Variants in ZFR2 observed in about 807,000 individuals in gnomAD.
ZFR2 encodes the protein zinc finger RNA-binding protein 2.
Under a neutral mutation model 105.7 loss-of-function variants are expected in ZFR2, and 104 were observed. That is an observed-to-expected ratio of 0.98 (90% CI 0.84 to 1.16). The LOEUF is 1.16. ZFR2 is among the 50% of genes most tolerant of loss of function. ZFR2 has a pLI of 0.00. For missense variants in ZFR2, 1,425 were observed against 1,355.5 expected (o/e 1.05, Z -0.80); for synonymous variants, 634 against 597.7 (o/e 1.06, Z -0.89).
intron 1 of ZFR2, among the ~76,000 whole-genome samples, chr19:3,867,229 C>T (rs1264513600): frequency 6.6e-6 from 1 of 151,286 alleles, no homozygotes; most frequent in African/African-American, 2.4e-5. Flanking sequence ...TCAGCAGGGA[C>T]TGTGAGAAAC....
rs1376821156 is a variant in ZFR2, at chr19:3,867,271, A to G, written c.53+1694T>C. ...ATAGCAAGCTACCAGCTGGAAACTA[A>G]CACAAGGGTGACACGCGGAAATGAT... is the stretch of plus-strand genomic sequence containing the variant. On this transcript the variant is annotated intron_variant, in intron 1 of 18. Transcript: ENST00000262961. Among the ~76,000 whole-genome samples the G allele has an allele frequency of 3.4e-5, 5 of 147,580 alleles. No individual in the cohort carries two copies. The Admixed American group carries it at 3.4e-4, about 10-fold the overall frequency.
At chr19:3,852,783 C>G (rs1166309030) in intron 1 of ZFR2, among the ~76,000 whole-genome samples, 1 of 151,078 alleles carries the variant, frequency 6.6e-6, no homozygotes, top group African/African-American at 2.4e-5. Flanking sequence ...ACACCAAAAC[C>G]AAGGCAGCCC....
At chr19:3,809,900 C>T (rs1229287729) in intron 16 of ZFR2, among the ~76,000 whole-genome samples, 2 of 152,250 alleles carry the variant, frequency 1.3e-5, no homozygotes, top group South Asian at 2.1e-4. Context: ...GCTAAGATTT[C>T]GCCACTGCAC....
chr19:3,833,530 C>T (rs541070363), intron 3 of ZFR2, 134 bp downstream of exon 3: 92 of 657,280 alleles, frequency 1.4e-4, no homozygotes, highest in Non-Finnish European at 2.0e-4. Flanking sequence ...GAGCCGAGAT[C>T]GCACCACTGC....
chr19:3,843,245 C>T (rs909779424), intron 1 of ZFR2, among the ~76,000 whole-genome samples: 7 of 151,842 alleles, frequency 4.6e-5, no homozygotes, highest in East Asian at 3.9e-4. Context: ...CCGAGGCGGG[C>T]GGATCACTTG....
At chr19:3,808,551 G>A (rs2037727866) in intron 17 of ZFR2, among the ~76,000 whole-genome samples, 1 of 152,254 alleles carries the variant, frequency 6.6e-6, no homozygotes, top group East Asian at 1.9e-4. Flanking sequence ...ATTTGTGCCA[G>A]AGTGGCTCTG....
chr19:3,831,087 A>G (rs1373111587), intron 5 of ZFR2, among the ~76,000 whole-genome samples: 4 of 151,896 alleles, frequency 2.6e-5, no homozygotes, highest in African/African-American at 7.3e-5. Flanking sequence ...ATGCACACAT[A>G]TACACATGCA....
At chr19:3,836,503 G>A (rs1193137609) in intron 1 of ZFR2, among the ~76,000 whole-genome samples, 1 of 152,106 alleles carries the variant, frequency 6.6e-6, no homozygotes, top group African/African-American at 2.4e-5. Flanking sequence ...AAAAATTTTG[G>A]TAGAGGTGGG....
intron 12 of ZFR2, among the ~76,000 whole-genome samples, chr19:3,817,560 A>G (rs1242689572): frequency 1.7e-5 from 2 of 115,750 alleles, no homozygotes; most frequent in Non-Finnish European, 3.5e-5. Context: ...CTCCATCTCA[A>G]AATAATGATA....
chr19:3,834,947 C>G lies in ZFR2; in HGVS notation c.90G>C (p.Gly30=), dbSNP rs749749715. 6.3e-5 allele frequency: 101 copies of G among 1,611,576 alleles called. No individual in the cohort carries two copies. Among genetic ancestry groups the G allele is most frequent in the Non-Finnish European group, 8.3e-5 (98 of 1,179,184 alleles). Residue 30 remains glycine, a synonymous_variant, in exon 2 of 19, where the codon GGG becomes GGC. Coordinates refer to ENST00000262961, the MANE Select transcript of ZFR2 (RefSeq NM_015174.2). The surrounding 1 kb of genome is among the most constrained non-coding windows in gnomAD (Gnocchi z 5.3). ...QPPTLPLPTV[G]ASYTAQPTPG... ...GAGTGGGTTGTGCAGTATAGCTGGC[C>G]CCCACAGTGGGCAGGGGAAGGGTCG...
chr19:3,863,641 C>T lies in ZFR2; in HGVS notation c.53+5324G>A, dbSNP rs76613225. Reference sequence around the variant, plus strand: ...ATGTAGCCCTAAACCACTATCTGACCGGGCCCTGAACTAGCAGGGCAGGGG... The same window carrying T: ...ATGTAGCCCTAAACCACTATCTGACTGGGCCCTGAACTAGCAGGGCAGGGG... On this transcript the variant is annotated intron_variant, in intron 1 of 18. Transcript: ENST00000262961. Among the ~76,000 whole-genome samples, 258 of 152,222 alleles carry T rather than the reference C, an allele frequency of 1.7e-3. 2 individuals carry two copies. The highest frequency in any genetic ancestry group is 5.9e-3 in the African/African-American group (244 of 41,530).
At chr19:3,806,394 C>T (rs1011758950) in intron 18 of ZFR2, among the ~76,000 whole-genome samples, 11 of 152,254 alleles carry the variant, frequency 7.2e-5, no homozygotes, top group Non-Finnish European at 1.6e-4. Flanking sequence ...TCCCAAGTAG[C>T]TGGGATTACA....
rs757203290 is a variant in ZFR2 at position 3,867,411 on chromosome 19, A to C, written c.53+1554T>G. Reference sequence around the variant, plus strand: ...TGAAGATAGCAGAGATGCTCCGAGGAGCAGGCCTGGGAGAACAGTGTAGAG... The same window carrying C: ...TGAAGATAGCAGAGATGCTCCGAGGCGCAGGCCTGGGAGAACAGTGTAGAG... On this transcript the variant is annotated intron_variant, in intron 1 of 18. Coordinates refer to ENST00000262961, the MANE Select transcript of ZFR2 (RefSeq NM_015174.2). 2.8e-4 allele frequency among the ~76,000 whole-genome samples: 42 copies of C among 152,050 alleles called. 1 individual carries two copies. The highest frequency in any genetic ancestry group is 3.4e-3 in the Middle Eastern group (1 of 294).
intron 1 of ZFR2, among the ~76,000 whole-genome samples, chr19:3,862,674 T>C (rs2038386258): frequency 6.6e-6 from 1 of 152,206 alleles, no homozygotes; most frequent in Non-Finnish European, 1.5e-5. Context: ...CCTAATTCCT[T>C]GTATAGGAGC....
At chr19:3,818,077 A>G (rs1170442642) in intron 12 of ZFR2, among the ~76,000 whole-genome samples, 2 of 152,282 alleles carry the variant, frequency 1.3e-5, no homozygotes, top group African/African-American at 2.4e-5. Flanking sequence ...GGAGATGGAC[A>G]GGGGTGTAGT....
chr19:3,855,850 G>T (rs911130416), intron 1 of ZFR2, among the ~76,000 whole-genome samples: 3 of 152,116 alleles, frequency 2.0e-5, no homozygotes, highest in African/African-American at 4.8e-5. Context: ...GGAATGAGGG[G>T]AGATGGGGTC....
chr19:3,838,115 C>A lies in ZFR2; in HGVS notation c.54-3132G>T, dbSNP rs1024739982. On this transcript the variant is annotated intron_variant, in intron 1 of 18. Transcript: ENST00000262961. This position sits in a 1 kb window ranked among gnomAD's most constrained non-coding sequence, Gnocchi z 4.9. The stretch of plus-strand genomic sequence containing the variant: ...CGATGAACACCGTGACCGTGACACT[C>A]GATGAACACCGTGACTGTGACACAC... Among the ~76,000 whole-genome samples the A allele has an allele frequency of 2.0e-5, 3 of 149,500 alleles. No homozygotes were observed. Among genetic ancestry groups the A allele is most frequent in the Admixed American group, 2.0e-4 (3 of 15,002 alleles).
At chr19:3,840,369 C>G (rs1051795635) in intron 1 of ZFR2, among the ~76,000 whole-genome samples, 2 of 151,644 alleles carry the variant, frequency 1.3e-5, no homozygotes, top group Non-Finnish European at 2.9e-5. Context: ...TCCCAAGTAG[C>G]TGGGATTATA....
In ZFR2 at chr19:3,810,866, G is replaced by T. The variant is rs778953395; in HGVS notation, c.2338-21C>A. 1.9e-5 allele frequency: 29 copies of T among 1,549,592 alleles called. No individual in the cohort carries two copies. The Admixed American group carries it at 5.1e-4, about 27-fold the overall frequency. ...CGAGCCTTCGGGGGAGAAGCACACG[G>T]TTAGCTTTCAGGGGCTCACGTGGCC... On this transcript the variant is annotated intron_variant, in intron 15 of 18. Transcript: ENST00000262961.
Sources: gnomAD v4.1 joint callset for allele counts (sites outside exome capture counted in the v4.1 genomes callset) on GRCh38, gnomAD v4.1.1 for gene constraint, Gnocchi (gnomAD v3.1) non-coding constraint, MANE v1.5 for transcripts, NCBI Gene and HGNC (gene_info 2026-07-23, HGNC 2026-07-21) for gene names.